Variants in GRIP1 observed in about 807,000 individuals in gnomAD.
The protein encoded by GRIP1 is glutamate receptor-interacting protein 1.
In GRIP1, 45 loss-of-function variants were observed where a neutral mutation model predicts 129.9. The observed-to-expected ratio is 0.35, with a 90% CI of 0.27 to 0.44. GRIP1 has a LOEUF of 0.44. GRIP1 is among the 20% of genes least tolerant of loss of function. The pLI, the probability that GRIP1 is intolerant of heterozygous loss-of-function variation, is 1.00. For synonymous variants in GRIP1, 530 were observed against 520.8 expected (o/e 1.02, Z -0.24); for missense variants, 1,196 against 1,396.8 (o/e 0.86, Z 2.29).
At chr12:66,910,253 T>C (rs543868340) in intron 1 of GRIP1, among the ~76,000 whole-genome samples, 2 of 152,322 alleles carry the variant, frequency 1.3e-5, no homozygotes, top group South Asian at 4.1e-4. Context: ...TTCTCCCCAG[T>C]TGTCATTCTC....
chr12:66,355,220 A>ATG (rs142071978), intron 23 of GRIP1, among the ~76,000 whole-genome samples: 210 of 151,548 alleles, frequency 1.4e-3, no homozygotes, highest in Middle Eastern at 6.8e-3. Context: ...TTGTGTGTGC[A>ATG]TGTGTGTGTG....
At chr12:66,901,181 A>T (rs1050011658) in intron 1 of GRIP1, among the ~76,000 whole-genome samples, 5 of 152,268 alleles carry the variant, frequency 3.3e-5, no homozygotes, top group African/African-American at 1.2e-4. Context: ...TGAAATGTAC[A>T]GCTTTGTTTT....
chr12:66,696,505 G>T (rs1199861920), intron 1 of GRIP1, among the ~76,000 whole-genome samples: 1 of 152,032 alleles, frequency 6.6e-6, no homozygotes, highest in Non-Finnish European at 1.5e-5. Context: ...ATTATGGTTA[G>T]GCCAGGCGTG....
chr12:66,459,945 A>G (rs910203603), intron 9 of GRIP1, among the ~76,000 whole-genome samples: 2 of 152,230 alleles, frequency 1.3e-5, no homozygotes, highest in African/African-American at 4.8e-5. Context: ...AATAAAGCCA[A>G]TAATTGTAGC....
At chr12:66,780,386 C>T (rs1371363621) in intron 1 of GRIP1, among the ~76,000 whole-genome samples, 1 of 152,166 alleles carries the variant, frequency 6.6e-6, no homozygotes, top group Non-Finnish European at 1.5e-5. Context: ...CCAGTGAGGG[C>T]TATGGGCTCA....
intron 1 of GRIP1, among the ~76,000 whole-genome samples, chr12:66,621,538 G>A (rs1438067930): frequency 2.0e-5 from 3 of 152,086 alleles, no homozygotes; most frequent in Non-Finnish European, 4.4e-5. Context: ...TGGCTATTGT[G>A]AATAATGCTG....
At chr12:66,735,243 G>A (rs2036556948) in intron 1 of GRIP1, among the ~76,000 whole-genome samples, 1 of 152,128 alleles carries the variant, frequency 6.6e-6, no homozygotes, top group East Asian at 1.9e-4. Context: ...AGACTTCCAT[G>A]GTTCTATGAA....
intron 7 of GRIP1, among the ~76,000 whole-genome samples, chr12:66,468,503 C>T (rs1359906575): frequency 6.6e-6 from 1 of 152,106 alleles, no homozygotes; most frequent in Non-Finnish European, 1.5e-5. Context: ...TAAGAAGTGG[C>T]TATTTAAAGT....
chr12:66,876,840 A>C (rs2040391888), intron 1 of GRIP1, among the ~76,000 whole-genome samples: 1 of 151,932 alleles, frequency 6.6e-6, no homozygotes, highest in Non-Finnish European at 1.5e-5. Context: ...TCAAAGGAAA[A>C]ATTTTTTCAT....
chr12:67,054,955 T>C (rs2043410369), intron 1 of GRIP1, among the ~76,000 whole-genome samples: 2 of 152,168 alleles, frequency 1.3e-5, no homozygotes, highest in South Asian at 4.1e-4. Flanking sequence ...TGTTGCCTAC[T>C]AGTCAAGTAA....
At chr12:66,593,781 A>C (rs1385790446) in intron 2 of GRIP1, among the ~76,000 whole-genome samples, 1 of 152,126 alleles carries the variant, frequency 6.6e-6, no homozygotes, top group Non-Finnish European at 1.5e-5. Flanking sequence ...TTAAGATTTC[A>C]GCCTCGGCTG....
chr12:66,430,453 T>C (rs1046368410), intron 14 of GRIP1, among the ~76,000 whole-genome samples: 2 of 152,206 alleles, frequency 1.3e-5, no homozygotes, highest in African/African-American at 4.8e-5. Context: ...GCCATCTTTA[T>C]GGGGGTTTTT....
chr12:66,358,589 A>G (rs2054602519), intron 23 of GRIP1, among the ~76,000 whole-genome samples: 1 of 152,088 alleles, frequency 6.6e-6, no homozygotes, highest in African/African-American at 2.4e-5. Flanking sequence ...CTGGGATTAC[A>G]GGCGCATGCC....
chr12:66,629,855 TC>T (rs1174906496), intron 1 of GRIP1, among the ~76,000 whole-genome samples: 1 of 152,192 alleles, frequency 6.6e-6, no homozygotes, highest in Non-Finnish European at 1.5e-5. Context: ...GATTCTAGTT[TC>T]ATATAGCTTA....
chr12:66,902,441 G>A (rs965329231), intron 1 of GRIP1, among the ~76,000 whole-genome samples: 2 of 152,156 alleles, frequency 1.3e-5, no homozygotes, highest in African/African-American at 2.4e-5. Flanking sequence ...CTGGGATGGT[G>A]CAGAAGTATG....
intron 1 of GRIP1, among the ~76,000 whole-genome samples, chr12:67,001,292 T>A (rs538845847): frequency 6.6e-6 from 1 of 152,156 alleles, no homozygotes; most frequent in African/African-American, 2.4e-5. Context: ...TGAGAGCTTG[T>A]GGGCTATCTA....
chr12:66,762,622 C>T (rs2037510539), intron 1 of GRIP1, among the ~76,000 whole-genome samples: 1 of 152,110 alleles, frequency 6.6e-6, no homozygotes. Context: ...AAAGTTGGTT[C>T]AATTCAATTC....
chr12:66,956,465 C>G (rs1592390323), intron 1 of GRIP1, among the ~76,000 whole-genome samples: 1 of 152,126 alleles, frequency 6.6e-6, no homozygotes, highest in East Asian at 1.9e-4. Flanking sequence ...TGCCAGGTTT[C>G]TCCACTGTAC....
At chr12:66,563,076 T>C (rs967705513) in intron 2 of GRIP1, among the ~76,000 whole-genome samples, 5 of 151,988 alleles carry the variant, frequency 3.3e-5, no homozygotes, top group Non-Finnish European at 7.4e-5. Context: ...TGTGTTTATG[T>C]AGACCTGTGC....
Sources: gnomAD v4.1 joint callset for allele counts (sites outside exome capture counted in the v4.1 genomes callset) on GRCh38, gnomAD v4.1.1 for gene constraint, MANE v1.5 for transcripts, NCBI Gene and HGNC (gene_info 2026-07-23, HGNC 2026-07-21) for gene names.